CAMK4: variants seen among roughly 807,000 people sequenced by gnomAD.
The protein encoded by CAMK4 is calcium/calmodulin dependent protein kinase IV.
In CAMK4, 22 loss-of-function variants were observed where a neutral mutation model predicts 44.9. The ratio of observed to expected loss-of-function variants is 0.49; its 90% CI spans 0.35 to 0.70. The LOEUF (loss-of-function observed/expected upper bound fraction) is 0.70, where lower values mean the gene tolerates loss of function less well. CAMK4 is among the 30% of genes least tolerant of loss of function. The probability of loss-of-function intolerance (pLI) is 0.01; values close to 1 mark genes in which losing one functional copy is unlikely to be tolerated. For synonymous variants in CAMK4, 218 were observed against 215.4 expected (o/e 1.01, Z -0.11); for missense variants, 498 against 586.8 (o/e 0.85, Z 1.56).
At chr5:111,376,467 C>T (rs1461854881) in intron 3 of CAMK4, among the ~76,000 whole-genome samples, 1 of 151,936 alleles carries the variant, frequency 6.6e-6, no homozygotes, top group Non-Finnish European at 1.5e-5. Context: ...TTTGTAATTC[C>T]CAGAAGAAAT....
At chr5:111,234,967 C>A (rs976380185) in intron 1 of CAMK4, among the ~76,000 whole-genome samples, 1 of 152,120 alleles carries the variant, frequency 6.6e-6, no homozygotes, top group Non-Finnish European at 1.5e-5. Context: ...GATAACAGAT[C>A]TATAATTGTG....
chr5:111,470,144 T>C (rs1014543263), intron 7 of CAMK4, among the ~76,000 whole-genome samples: 2 of 152,204 alleles, frequency 1.3e-5, no homozygotes, highest in Non-Finnish European at 2.9e-5. Context: ...GGCAGCATAA[T>C]CTGAGTTCCC....
At chr5:111,420,205 A>G (rs1020542919) in intron 5 of CAMK4, among the ~76,000 whole-genome samples, 5 of 151,986 alleles carry the variant, frequency 3.3e-5, no homozygotes, top group African/African-American at 1.2e-4. Flanking sequence ...CTTTGAAGCA[A>G]TTGTGAATGG....
intron 1 of CAMK4, among the ~76,000 whole-genome samples, chr5:111,258,919 A>G (rs1749861077): frequency 6.6e-6 from 1 of 152,130 alleles, no homozygotes; most frequent in Non-Finnish European, 1.5e-5. Context: ...TGTCAAAGAG[A>G]ACCTAGGAAA....
chr5:111,425,711 T>A (rs1260503999), intron 5 of CAMK4, among the ~76,000 whole-genome samples: 1 of 152,238 alleles, frequency 6.6e-6, no homozygotes, highest in Non-Finnish European at 1.5e-5. Context: ...TTATTAGCTT[T>A]GCAAAATCTT....
chr5:111,334,938 A>G (rs1372094191), intron 1 of CAMK4, among the ~76,000 whole-genome samples: 5 of 151,328 alleles, frequency 3.3e-5, no homozygotes, highest in African/African-American at 1.2e-4. Flanking sequence ...ATCTCAAGAT[A>G]CCTCCCATTT....
chr5:111,487,181 A>G lies in CAMK4; in HGVS notation c.*2715A>G, dbSNP rs1000076164. 2.6e-5 allele frequency: 4 copies of G among 152,178 alleles called. No individual in the cohort carries two copies. Among genetic ancestry groups the G allele is most frequent in the African/African-American group, 9.6e-5 (4 of 41,464 alleles). The allele number at this position is 152,178 out of a possible 1,614,324, so 9.4% of individuals were successfully genotyped here. The stretch of plus-strand genomic sequence containing the variant: ...CAAAATACTTCATAACATCACTCCT[A>G]ATTGGCAATATAGTCACAAAGCAAA... On this transcript the variant is annotated 3_prime_UTR_variant, in exon 11 of 11. Coordinates refer to ENST00000282356, the MANE Select transcript of CAMK4 (RefSeq NM_001744.6).
rs1007270187 is a variant in CAMK4 at position 111,484,292 on chromosome 5, G to A, written c.1248G>A (p.Met416Ile). 4 of 1,614,062 alleles carry A rather than the reference G, an allele frequency of 2.5e-6. No homozygotes were observed. The South Asian group carries it at 4.4e-5, about 18-fold the overall frequency. The change falls in exon 11 of 11, where the codon ATG (methionine) becomes ATA (isoleucine). Residue 416 changes from methionine to isoleucine, a missense_variant. This residue lies in a region of CAMK4 where 143 missense variants were observed against 144.9 expected (regional missense o/e 0.99). Coordinates refer to ENST00000282356, the MANE Select transcript of CAMK4 (RefSeq NM_001744.6). This position sits in a 1 kb window ranked among gnomAD's most constrained non-coding sequence, Gnocchi z 5.3. ...ADINAEEAPK[M>I]VPKAVEDGIK... ...TAAATGCTGAAGAGGCCCCCAAAAT[G>A]GTGCCCAAGGCAGTGGAGGATGGGA...
chr5:111,357,406 AG>A (rs1750409639), intron 2 of CAMK4, among the ~76,000 whole-genome samples: 2 of 152,284 alleles, frequency 1.3e-5, no homozygotes, highest in African/African-American at 2.4e-5. Context: ...TCAGCCTCAA[AG>A]CAGACTTAGG....
At chr5:111,252,211 C>T (rs189844297) in intron 1 of CAMK4, among the ~76,000 whole-genome samples, 3 of 152,244 alleles carry the variant, frequency 2.0e-5, no homozygotes, top group Admixed American at 6.5e-5. Context: ...TTTTAAACCT[C>T]GTCAGAGTCA....
At chr5:111,408,568 CT>C (rs1477789649) in intron 5 of CAMK4, among the ~76,000 whole-genome samples, 2 of 152,162 alleles carry the variant, frequency 1.3e-5, no homozygotes, top group South Asian at 2.1e-4. Flanking sequence ...CATTCTGCCC[CT>C]GACCCCTCCT....
intron 5 of CAMK4, among the ~76,000 whole-genome samples, chr5:111,420,395 T>C (rs1752981195): frequency 6.6e-6 from 1 of 152,056 alleles, no homozygotes; most frequent in South Asian, 2.1e-4. Context: ...ACAGGGACAA[T>C]TTGACTTCCT....
At chr5:111,434,627 T>A (rs1753584052) in intron 5 of CAMK4, among the ~76,000 whole-genome samples, 1 of 152,154 alleles carries the variant, frequency 6.6e-6, no homozygotes, top group African/African-American at 2.4e-5. Context: ...CTTATTGCTT[T>A]CTCGTATATT....
chr5:111,374,373 T>C (rs553684931), intron 2 of CAMK4, among the ~76,000 whole-genome samples: 21 of 152,224 alleles, frequency 1.4e-4, no homozygotes, highest in Non-Finnish European at 2.5e-4. Context: ...TGGGATGACT[T>C]GGGTCTGGTG....
intron 1 of CAMK4, among the ~76,000 whole-genome samples, chr5:111,330,858 G>A (rs1749137935): frequency 6.6e-6 from 1 of 151,612 alleles, no homozygotes; most frequent in Non-Finnish European, 1.5e-5. Context: ...AAGTACTGAG[G>A]CAGTGCAATG....
At chr5:111,261,139 T>A (rs912502915) in intron 1 of CAMK4, among the ~76,000 whole-genome samples, 16 of 152,232 alleles carry the variant, frequency 1.1e-4, no homozygotes, top group African/African-American at 3.6e-4. Flanking sequence ...TTGGATGTCA[T>A]ACACAGTGAA....
rs1164764047 is a variant in CAMK4, at chr5:111,490,775, A to G, written c.*6309A>G. On this transcript the variant is annotated 3_prime_UTR_variant, in exon 11 of 11. Coordinates refer to ENST00000282356, the MANE Select transcript of CAMK4 (RefSeq NM_001744.6). ...TTTTACGGCACCCTTAAGTCTCAGT[A>G]ATATTTTAAAAGTCCTCTATAAGCC... The G allele has an allele frequency of 2.0e-5, 3 of 152,162 alleles. No homozygotes were observed. In the East Asian group the frequency reaches 5.8e-4, roughly 29 times the overall value. 9.4% of individuals were successfully genotyped at this position (152,162 alleles called of 1,614,324 possible). A position where few individuals can be genotyped will look rare whatever the true frequency, so the allele number is the denominator to read the frequency against.
At chr5:111,443,337 C>CTA (rs565976862) in intron 5 of CAMK4, among the ~76,000 whole-genome samples, 54 of 115,616 alleles carry the variant, frequency 4.7e-4, no homozygotes, top group African/African-American at 1.4e-3. Flanking sequence ...ACTATATATA[C>CTA]TATATATATA....
intron 1 of CAMK4, among the ~76,000 whole-genome samples, chr5:111,279,878 A>G (rs1023319938): frequency 3.2e-4 from 49 of 152,290 alleles, no homozygotes; most frequent in African/African-American, 1.1e-3. Flanking sequence ...GCTGTTTGCA[A>G]TGTTGAAACT....
Sources: gnomAD v4.1 joint callset for allele counts (sites outside exome capture counted in the v4.1 genomes callset) on GRCh38, gnomAD v4.1.1 for gene constraint, gnomAD v4.1.1 regional missense constraint, Gnocchi (gnomAD v3.1) non-coding constraint, MANE v1.5 for transcripts, NCBI Gene and HGNC (gene_info 2026-07-23, HGNC 2026-07-21) for gene names.